ALG14: variants seen among roughly 807,000 people sequenced by gnomAD.
ALG14 encodes ALG14 UDP-N-acetylglucosaminyltransferase subunit.
Under a neutral mutation model 22.8 loss-of-function variants are expected in ALG14, and 17 were observed. The ratio of observed to expected loss-of-function variants is 0.75; its 90% CI spans 0.51 to 1.12. ALG14 has a LOEUF of 1.12. Ranked by LOEUF, ALG14 falls within the 50% of genes most tolerant of loss-of-function variation. The probability of loss-of-function intolerance (pLI) is 0.00; values close to 1 mark genes in which losing one functional copy is unlikely to be tolerated. For missense variants in ALG14, 288 were observed against 271.8 expected, an observed-to-expected ratio of 1.06 and a Z score of -0.42; for synonymous variants, 89 against 103.7, an observed-to-expected ratio of 0.86 and a Z score of 0.86.
At chr1:95,025,556 T>A (rs904935564) in intron 3 of ALG14, among the ~76,000 whole-genome samples, 2 of 152,240 alleles carry the variant, frequency 1.3e-5, no homozygotes, top group African/African-American at 4.8e-5. Flanking sequence ...TCGTCGAATA[T>A]AAGGCAGTTT....
At chr1:95,048,738 T>C (rs555349211) in intron 2 of ALG14, among the ~76,000 whole-genome samples, 1 of 152,300 alleles carries the variant, frequency 6.6e-6, no homozygotes, top group African/African-American at 2.4e-5. Context: ...ACTTTTTCTT[T>C]GGTAGGCTTT....
intron 2 of ALG14, 39 bp downstream of exon 2, chr1:95,064,827 C>A (rs747121017): frequency 2.5e-6 from 4 of 1,585,264 alleles, no homozygotes; most frequent in Non-Finnish European, 3.4e-6. Context: ...ACTCAATGTG[C>A]AACTTGTAAT....
At chr1:95,004,784 C>T (rs1034500383) in intron 3 of ALG14, among the ~76,000 whole-genome samples, 36 of 146,754 alleles carry the variant, frequency 2.5e-4, no homozygotes, top group Admixed American at 2.2e-3. Flanking sequence ...CATGAGCCAC[C>T]GCGCCTGCCC....
chr1:95,044,014 T>C (rs1243681611), intron 2 of ALG14, among the ~76,000 whole-genome samples: 3 of 152,174 alleles, frequency 2.0e-5, no homozygotes, highest in Non-Finnish European at 4.4e-5. Flanking sequence ...TTAAAGACCC[T>C]TGGAGATCGG....
intron 3 of ALG14, among the ~76,000 whole-genome samples, chr1:94,984,249 G>C (rs1270592353): frequency 6.6e-6 from 1 of 152,026 alleles, no homozygotes; most frequent in Non-Finnish European, 1.5e-5. Flanking sequence ...ATATCTATTG[G>C]GCATGCTCTA....
At position 95,026,997 on chromosome 1, in the gene ALG14, G is replaced by C. The variant is rs1390566013; in HGVS notation, c.420+132C>G. The C allele has an allele frequency of 2.5e-5, 28 of 1,141,046 alleles. No homozygotes were observed. In the Admixed American group the frequency reaches 6.1e-4, roughly 25 times the overall value. 70.7% of individuals were successfully genotyped at this position (1,141,046 alleles called of 1,614,324 possible). A position where few individuals can be genotyped will look rare whatever the true frequency, so the allele number is the denominator to read the frequency against. ...TGGGAAGTCCAAGATCAAGGCACCA[G>C]CCAGTTCAGGGTCTTGCATACTACC... On this transcript the variant is annotated intron_variant, in intron 3 of 3. Coordinates refer to ENST00000370205, the MANE Select transcript of ALG14 (RefSeq NM_144988.4).
intron 2 of ALG14, among the ~76,000 whole-genome samples, chr1:95,032,637 G>A (rs540400009): frequency 6.6e-6 from 1 of 152,284 alleles, no homozygotes; most frequent in Non-Finnish European, 1.5e-5. Context: ...AATTAGAGCA[G>A]CAGGGCATCC....
chr1:95,038,581 T>G (rs1345740105), intron 2 of ALG14, among the ~76,000 whole-genome samples: 1 of 151,452 alleles, frequency 6.6e-6, no homozygotes, highest in Admixed American at 6.6e-5. Flanking sequence ...CCTGGGAGGC[T>G]GAGGCAAAAT....
In ALG14 at chr1:94,983,314, A is replaced by C. The variant is rs1672548037; in HGVS notation, c.421-8T>G. The C allele has an allele frequency of 6.2e-7, 1 of 1,610,192 alleles. No homozygotes were observed. The highest frequency in any genetic ancestry group is 8.5e-7 in the Non-Finnish European group (1 of 1,177,262). ...TGGTCCGTTACACAACACCTGAAAGAAAAAGTTGAAGGTCAAATGAAAATA... is the reference window on the plus strand; with the variant it reads ...TGGTCCGTTACACAACACCTGAAAGCAAAAGTTGAAGGTCAAATGAAAATA... On this transcript the variant is annotated splice_polypyrimidine_tract_variant and splice_region_variant and intron_variant, in intron 3 of 3. Coordinates refer to ENST00000370205, the MANE Select transcript of ALG14 (RefSeq NM_144988.4).
At chr1:94,994,566 T>G (rs1012035430) in intron 3 of ALG14, among the ~76,000 whole-genome samples, 4 of 152,232 alleles carry the variant, frequency 2.6e-5, no homozygotes, top group Non-Finnish European at 4.4e-5. Flanking sequence ...TCTGTCTTCC[T>G]GTTTTAGACA....
chr1:95,005,480 T>TG (rs1215002587), intron 3 of ALG14, among the ~76,000 whole-genome samples: 4 of 152,170 alleles, frequency 2.6e-5, no homozygotes, highest in Non-Finnish European at 4.4e-5. Flanking sequence ...ATTTGTATAA[T>TG]GTTATATCAT....
intron 3 of ALG14, among the ~76,000 whole-genome samples, chr1:95,006,470 T>C (rs957520171): frequency 1.1e-4 from 16 of 152,086 alleles, no homozygotes; most frequent in Non-Finnish European, 1.5e-4. Flanking sequence ...AAGGAATCCA[T>C]GGAAACACTT....
At chr1:95,014,678 T>C (rs1469274340) in intron 3 of ALG14, among the ~76,000 whole-genome samples, 1 of 152,184 alleles carries the variant, frequency 6.6e-6, no homozygotes, top group Non-Finnish European at 1.5e-5. Flanking sequence ...AAACTTATAA[T>C]TACAATTATT....
chr1:95,029,718 G>T (rs555927719), intron 2 of ALG14, among the ~76,000 whole-genome samples: 1 of 152,296 alleles, frequency 6.6e-6, no homozygotes, highest in East Asian at 1.9e-4. Context: ...TGCTCCAAGA[G>T]AACATGAGTG....
chr1:95,010,783 C>G (rs1673340587), intron 3 of ALG14, among the ~76,000 whole-genome samples: 1 of 152,104 alleles, frequency 6.6e-6, no homozygotes, highest in Non-Finnish European at 1.5e-5. Context: ...TGAATTAGTT[C>G]CTTTTGCCAT....
chr1:94,974,677 G>C lies in ALG14; in HGVS notation c.*8399C>G, dbSNP rs948985322. 2 of 152,200 alleles carry C rather than the reference G, an allele frequency of 1.3e-5. No homozygotes were observed. Among genetic ancestry groups the C allele is most frequent in the African/African-American group, 4.8e-5 (2 of 41,448 alleles). The allele number at this position is 152,200 out of a possible 1,614,324, so 9.4% of individuals were successfully genotyped here. A position where few individuals can be genotyped will look rare whatever the true frequency, so the allele number is the denominator to read the frequency against. ...CTTCCTCTTTTAATATTAAGCGAAA[G>C]TACCCAAGCTTTGGAGAAACTGTCT... On this transcript the variant is annotated 3_prime_UTR_variant, in exon 4 of 4. Transcript: ENST00000370205.
intron 2 of ALG14, among the ~76,000 whole-genome samples, chr1:95,047,014 A>AACATAACATG (rs1674582645): frequency 6.9e-6 from 1 of 145,498 alleles, no homozygotes; most frequent in South Asian, 2.2e-4. Flanking sequence ...AACATAACAT[A>AACATAACATG]ACATAACATA....
intron 3 of ALG14, among the ~76,000 whole-genome samples, chr1:95,004,748 G>A (rs1048553658): frequency 2.0e-5 from 3 of 151,992 alleles, no homozygotes; most frequent in East Asian, 1.9e-4. Context: ...TGATCTACCT[G>A]CCTCCCAACG....
chr1:95,012,251 A>G (rs983718989), intron 3 of ALG14, among the ~76,000 whole-genome samples: 2 of 152,262 alleles, frequency 1.3e-5, no homozygotes, highest in African/African-American at 4.8e-5. Context: ...GGACTAATAC[A>G]AAAGTAAAAC....
Sources: gnomAD v4.1 joint callset for allele counts (sites outside exome capture counted in the v4.1 genomes callset) on GRCh38, gnomAD v4.1.1 for gene constraint, MANE v1.5 for transcripts, NCBI Gene and HGNC (gene_info 2026-07-23, HGNC 2026-07-21) for gene names.